The following UBE4A variants were observed in gnomAD, a reference collection of about 807,000 sequenced individuals.
The protein encoded by UBE4A is ubiquitin conjugation factor E4 A.
A neutral mutation model predicts 117.9 loss-of-function variants in UBE4A; 48 were observed. The observed-to-expected ratio is 0.41, with a 90% CI of 0.32 to 0.52. The LOEUF (loss-of-function observed/expected upper bound fraction) is 0.52, where lower values mean the gene tolerates loss of function less well. UBE4A is among the 20% of genes least tolerant of loss of function. UBE4A has a pLI of 0.33. For synonymous variants in UBE4A, 407 were observed against 450.0 expected, an observed-to-expected ratio of 0.90 and a Z score of 1.21; for missense variants, 1,067 against 1,296.3, an observed-to-expected ratio of 0.82 and a Z score of 2.72.
In UBE4A at chr11:118,371,580, A is replaced by G. The variant is rs1235572617; in HGVS notation, c.475A>G (p.Thr159Ala). The G allele has an allele frequency of 6.2e-6, 10 of 1,614,062 alleles. No homozygotes were observed. Among genetic ancestry groups the G allele is most frequent in the South Asian group, 2.2e-5 (2 of 91,080 alleles). ...NHLINMTSST[T>A]LNLSADRDAG... Reference sequence around the variant, plus strand: ...CTTAATTAACATGACTTCTTCTACAACGCTAAATCTCTCTGCTGATCGAGA... The same window carrying G: ...CTTAATTAACATGACTTCTTCTACAGCGCTAAATCTCTCTGCTGATCGAGA... Residue 159 changes from threonine to alanine, a missense_variant, in exon 5 of 20, where the codon ACG (threonine) becomes GCG (alanine). Transcript: ENST00000252108.
At chr11:118,390,864 TG>T in intron 18 of UBE4A, 60 bp downstream of exon 18, 1 of 1,586,766 alleles carries the variant, frequency 6.3e-7, no homozygotes, top group Non-Finnish European at 8.6e-7. Context: ...CAGCCAGGCA[TG>T]ATGGCTCAAG....
intron 2 of UBE4A, among the ~76,000 whole-genome samples, chr11:118,366,427 T>C (rs1272020902): frequency 6.6e-6 from 1 of 152,244 alleles, no homozygotes; most frequent in Non-Finnish European, 1.5e-5. Context: ...GTATAGCAGC[T>C]GAGCAACAGA....
At chr11:118,393,955 T>C (rs1310096424) in intron 19 of UBE4A, among the ~76,000 whole-genome samples, 1 of 152,182 alleles carries the variant, frequency 6.6e-6, no homozygotes, top group African/African-American at 2.4e-5. Flanking sequence ...CACGTTCTGT[T>C]GCTGTTGTTG....
chr11:118,376,467 A>G (rs1948653335), intron 9 of UBE4A, 107 bp from the exon 10 acceptor site: 1 of 1,419,176 alleles, frequency 7.0e-7, no homozygotes, highest in East Asian at 2.3e-5. Flanking sequence ...ATGACAAGAT[A>G]TGTTTTTAAG....
chr11:118,396,232 C>T (rs782052570), intron 19 of UBE4A, 82 bp from the exon 20 acceptor site: 11 of 1,507,192 alleles, frequency 7.3e-6, no homozygotes, highest in African/African-American at 1.4e-5. Context: ...TCTTAAGATG[C>T]GACGCCCAGG....
Position 118,372,543 on chromosome 11 carries a change from G to C in UBE4A, c.598G>C (p.Val200Leu). ...TCCAGAGAACCTGCTACCCTTTGCA[G>C]TGCAGTGCAGAAACCTCACTGTGTC... ...KVPENLLPFA[V>L]QCRNLTVSNT... Residue 200 changes from valine to leucine, a missense_variant, in exon 6 of 20, where the codon GTG becomes CTG. Physicochemically the swap from Val to Leu is conservative, Grantham distance 32 (BLOSUM62 1). Around this residue, in one of 3 missense-constraint regions of UBE4A, gnomAD observed 1,001 missense variants for 1,184.0 expected, o/e 0.85. Transcript: ENST00000252108. 1 of 1,613,450 alleles carries C rather than the reference G, an allele frequency of 6.2e-7. No homozygotes were observed. Among genetic ancestry groups the C allele is most frequent in the Non-Finnish European group, 8.5e-7 (1 of 1,179,888 alleles).
chr11:118,381,718 T>C (rs1203851405), intron 12 of UBE4A, among the ~76,000 whole-genome samples, 195 bp downstream of exon 12: 1 of 152,214 alleles, frequency 6.6e-6, no homozygotes, highest in Non-Finnish European at 1.5e-5. Flanking sequence ...CAAAGGACTT[T>C]GTCCACAGAG....
chr11:118,384,947 T>TAA lies in UBE4A; in HGVS notation c.2412+22_2412+23dup, dbSNP rs370025001. 8.9e-4 allele frequency: 944 copies of TAA among 1,066,192 alleles called. 1 individual carries two copies. The highest frequency in any genetic ancestry group is 1.8e-3 in the African/African-American group (79 of 44,118). 66.0% of individuals were successfully genotyped at this position (1,066,192 alleles called of 1,614,324 possible). A position where few individuals can be genotyped will look rare whatever the true frequency, so the allele number is the denominator to read the frequency against. On this transcript the variant is annotated splice_region_variant and intron_variant, in intron 15 of 19. Coordinates refer to ENST00000252108, the MANE Select transcript of UBE4A (RefSeq NM_001204077.2). ...TTCCTTTTGGATGAAGCCATACAGG[T>TAA]AAAAAAAAAAAAAAAAAAAAAGATT...
chr11:118,386,016 T>C (rs1265538797), intron 15 of UBE4A, among the ~76,000 whole-genome samples: 1 of 152,196 alleles, frequency 6.6e-6, no homozygotes, highest in African/African-American at 2.4e-5. Flanking sequence ...ATCTTGCATA[T>C]GTGATAGAGC....
At chr11:118,382,542 T>C (rs975562021) in intron 12 of UBE4A, 47 bp from the exon 13 acceptor site, 7 of 1,423,914 alleles carry the variant, frequency 4.9e-6, no homozygotes, top group Non-Finnish European at 4.7e-6. Flanking sequence ...AGTCATAAAT[T>C]TGGAGTTAAG....
At chr11:118,366,794 C>G (rs915194943) in intron 2 of UBE4A, among the ~76,000 whole-genome samples, 1 of 152,188 alleles carries the variant, frequency 6.6e-6, no homozygotes, top group Non-Finnish European at 1.5e-5. Flanking sequence ...TGGGGCTGGG[C>G]GCAGTGGCTC....
At chr11:118,391,010 C>G (rs1948810717) in intron 18 of UBE4A, among the ~76,000 whole-genome samples, 1 of 152,070 alleles carries the variant, frequency 6.6e-6, no homozygotes, top group South Asian at 2.1e-4. Flanking sequence ...AAGACCCCAT[C>G]TCCTAAAAAT....
chr11:118,360,069 G>A (rs1948508822), intron 1 of UBE4A, among the ~76,000 whole-genome samples: 1 of 152,208 alleles, frequency 6.6e-6, no homozygotes, highest in South Asian at 2.1e-4. Flanking sequence ...ATAGGCAGAT[G>A]CCAAGAAGAT....
rs1167820990 is a variant in UBE4A, at chr11:118,371,605, A to G, written c.500A>G (p.Asp167Gly). The G allele has an allele frequency of 7.4e-6, 12 of 1,613,906 alleles. No individual in the cohort carries two copies. Among genetic ancestry groups the G allele is most frequent in the Non-Finnish European group, 3.4e-6 (4 of 1,180,032 alleles). The change falls in exon 5 of 20, where the codon GAT becomes GGT. Residue 167 changes from aspartate (D) to glycine (G), a missense_variant. Coordinates refer to ENST00000252108, the MANE Select transcript of UBE4A (RefSeq NM_001204077.2). ...ACGCTAAATCTCTCTGCTGATCGAG[A>G]TGCAGGAGAGAGGCACATTTTTTGT... The part of the protein sequence containing the change: ...STTLNLSADR[D>G]AGERHIFCYL...
intron 8 of UBE4A, among the ~76,000 whole-genome samples, chr11:118,373,956 A>T (rs1323027098): frequency 6.6e-6 from 1 of 152,094 alleles, no homozygotes; most frequent in East Asian, 1.9e-4. Flanking sequence ...CTACAAAAAA[A>T]TACAAAACTT....
intron 16 of UBE4A, among the ~76,000 whole-genome samples, chr11:118,389,116 A>AC (rs1352176562): frequency 6.6e-6 from 1 of 152,210 alleles, no homozygotes; most frequent in Non-Finnish European, 1.5e-5. Flanking sequence ...ATATAGTGAG[A>AC]CCCCATCTCA....
At chr11:118,387,786 C>T (rs1475067763) in intron 16 of UBE4A, among the ~76,000 whole-genome samples, 1 of 152,138 alleles carries the variant, frequency 6.6e-6, no homozygotes, top group Non-Finnish European at 1.5e-5. Flanking sequence ...AGCTGAGACA[C>T]ATTTCTGAGG....
chr11:118,399,065 G>A lies in UBE4A; in HGVS notation c.*2625G>A, dbSNP rs1555130360. ...AACTGCTCAACAGGAAATGAACCTA[G>A]AAACAGAAAATGAAAAGGTTGATTG... On this transcript the variant is annotated 3_prime_UTR_variant, in exon 20 of 20. Transcript: ENST00000252108. 1 of 456,536 alleles carries A rather than the reference G, an allele frequency of 2.2e-6. No individual in the cohort carries two copies. The highest frequency in any genetic ancestry group is 4.4e-6 in the Non-Finnish European group (1 of 226,878). 28.3% of individuals were successfully genotyped at this position (456,536 alleles called of 1,614,324 possible). A position where few individuals can be genotyped will look rare whatever the true frequency, so the allele number is the denominator to read the frequency against.
At chr11:118,385,566 A>T (rs1227067600) in intron 15 of UBE4A, among the ~76,000 whole-genome samples, 1 of 152,164 alleles carries the variant, frequency 6.6e-6, no homozygotes. Flanking sequence ...TTATTTCCTT[A>T]ACCTTCCCTG....
Sources: gnomAD v4.1 joint callset for allele counts (sites outside exome capture counted in the v4.1 genomes callset) on GRCh38, gnomAD v4.1.1 for gene constraint, gnomAD v4.1.1 regional missense constraint, MANE v1.5 for transcripts, NCBI Gene and HGNC (gene_info 2026-07-23, HGNC 2026-07-21) for gene names.